The following RAD51C variants were observed in gnomAD, a reference collection of about 807,000 sequenced individuals.
The protein encoded by RAD51C is DNA repair protein RAD51 homolog 3.
Under a neutral mutation model 45.0 loss-of-function variants are expected in RAD51C, and 42 were observed. The ratio of observed to expected loss-of-function variants is 0.93; its 90% confidence interval spans 0.73 to 1.21. The LOEUF is 1.21. Among genes scored for constraint, RAD51C ranks in the 50% most tolerant of loss-of-function variants. RAD51C has a pLI of 0.00. For synonymous variants in RAD51C, 172 were observed against 159.8 expected (o/e 1.08, Z -0.58); for missense variants, 474 against 452.2 (o/e 1.05, Z -0.44).
At chr17:58,721,099 G>T (rs950728618) in intron 6 of RAD51C, among the ~76,000 whole-genome samples, 2 of 152,104 alleles carry the variant, frequency 1.3e-5, no homozygotes, top group Admixed American at 6.6e-5. Context: ...TGGCCAATAT[G>T]GTGAAACCCC....
intron 7 of RAD51C, among the ~76,000 whole-genome samples, chr17:58,727,908 G>A (rs927224244): frequency 4.0e-5 from 6 of 150,230 alleles, no homozygotes. Flanking sequence ...AGGCTGGGCC[G>A]CAAAATGGGA....
At chr17:58,713,449 T>C (rs1461612485) in intron 5 of RAD51C, among the ~76,000 whole-genome samples, 1 of 151,718 alleles carries the variant, frequency 6.6e-6, no homozygotes, top group Non-Finnish European at 1.5e-5. Flanking sequence ...TAAGCAATCC[T>C]TTCACCTCAG....
intron 5 of RAD51C, among the ~76,000 whole-genome samples, chr17:58,714,759 G>A (rs529785559): frequency 1.3e-5 from 2 of 152,136 alleles, no homozygotes; most frequent in East Asian, 3.9e-4. Context: ...GCCCAGCTAG[G>A]TACCAGTCTT....
chr17:58,697,320 G>A (rs974503649), intron 3 of RAD51C, among the ~76,000 whole-genome samples: 9 of 152,166 alleles, frequency 5.9e-5, no homozygotes, highest in South Asian at 2.1e-4. Context: ...GGTGGATCAC[G>A]AGGTCAGGAG....
At chr17:58,709,579 A>G (rs1005894044) in intron 4 of RAD51C, 4 of 281,098 alleles carry the variant, frequency 1.4e-5, no homozygotes, top group African/African-American at 2.3e-5. Flanking sequence ...GTTTTTTTCT[A>G]TCTAGTAAGG....
At position 58,697,517 on chromosome 17, in the gene RAD51C, CAG is replaced by C. The variant is rs527572771; in HGVS notation, c.571+661_571+662del. ...CGCCACTGCACTCCAGCCTAGGCAA[CAG>C]AGTGAGACTACTCTGTCTCTTAAAA... On this transcript the variant is annotated intron_variant, in intron 3 of 8. Transcript: ENST00000337432. 9.2e-5 allele frequency among the ~76,000 whole-genome samples: 11 copies of C among 119,672 alleles called. No homozygotes were observed. The South Asian group carries it at 2.8e-3, about 30-fold the overall frequency. 78.5% of individuals were successfully genotyped at this position (119,672 alleles called of 152,430 possible). A position where few individuals can be genotyped will look rare whatever the true frequency, so the allele number is the denominator to read the frequency against.
intron 5 of RAD51C, among the ~76,000 whole-genome samples, chr17:58,718,568 C>T (rs1036657141): frequency 1.3e-5 from 2 of 152,054 alleles, no homozygotes; most frequent in African/African-American, 4.8e-5. Flanking sequence ...AACCTGGAAC[C>T]TTTTTTGTAG....
intron 6 of RAD51C, 28 bp from the exon 7 acceptor site, chr17:58,724,012 A>G (rs778316212): frequency 6.3e-7 from 1 of 1,579,268 alleles, no homozygotes; most frequent in Non-Finnish European, 8.7e-7. Flanking sequence ...GTAAGGCCAT[A>G]TACAGTTATT....
intron 7 of RAD51C, 112 bp downstream of exon 7, chr17:58,724,212 A>G: frequency 9.6e-7 from 1 of 1,047,054 alleles, no homozygotes; most frequent in East Asian, 2.6e-5. Flanking sequence ...TGACCCATGA[A>G]GTGACACTTT....
intron 4 of RAD51C, among the ~76,000 whole-genome samples, chr17:58,705,097 C>CTCCA (rs2048333903): frequency 8.0e-6 from 1 of 124,564 alleles, no homozygotes; most frequent in South Asian, 2.7e-4. Context: ...TGACACTGCA[C>CTCCA]TCCAGCCTGG....
intron 3 of RAD51C, among the ~76,000 whole-genome samples, chr17:58,702,841 C>T (rs572192661): frequency 2.6e-5 from 4 of 152,062 alleles, no homozygotes; most frequent in South Asian, 2.1e-4. Flanking sequence ...CCAGCCTGGG[C>T]GTCAGAGTGA....
chr17:58,718,667 G>A (rs889179681), intron 5 of RAD51C, among the ~76,000 whole-genome samples: 4 of 152,138 alleles, frequency 2.6e-5, no homozygotes, highest in Admixed American at 2.6e-4. Context: ...GTTAATAGCT[G>A]AGTAGCATAA....
intron 8 of RAD51C, 138 bp downstream of exon 8, chr17:58,732,682 G>A: frequency 3.7e-6 from 3 of 800,504 alleles, no homozygotes; most frequent in South Asian, 2.8e-5. Flanking sequence ...TTAGAACATT[G>A]TCCCCAAAAT....
At chr17:58,702,542 A>G (rs1432560376) in intron 3 of RAD51C, among the ~76,000 whole-genome samples, 1 of 151,824 alleles carries the variant, frequency 6.6e-6, no homozygotes, top group Non-Finnish European at 1.5e-5. Flanking sequence ...AAAATACAAA[A>G]ATTAGCTGGG....
intron 4 of RAD51C, among the ~76,000 whole-genome samples, chr17:58,707,494 C>G (rs1385142599): frequency 6.6e-6 from 1 of 151,618 alleles, no homozygotes; most frequent in African/African-American, 2.4e-5. Context: ...TGCACTCCAG[C>G]CTGGGCAACA....
chr17:58,709,442 T>C (rs2048478658), intron 4 of RAD51C, among the ~76,000 whole-genome samples: 1 of 152,180 alleles, frequency 6.6e-6, no homozygotes, highest in African/African-American at 2.4e-5. Flanking sequence ...TTAGTGATTA[T>C]TGCAGAAAGC....
At position 58,724,043 on chromosome 17, in the gene RAD51C, A is replaced by T. The variant is rs1598510961; in HGVS notation, c.908A>T (p.Glu303Val). Residue 303 changes from glutamate to valine, a missense_variant, in exon 7 of 9, where the codon GAA (glutamate) becomes GTA (valine). By Grantham distance (121) the Glu-to-Val change is moderately radical (BLOSUM62 -2). Coordinates refer to ENST00000337432, the MANE Select transcript of RAD51C (RefSeq NM_058216.3). The part of the protein sequence containing the change: ...NQALLVPALG[E>V]SWGHAATIRL... The stretch of plus-strand genomic sequence containing the variant: ...TTATTATGTTTTTTACTCTCAGGGG[A>T]AAGTTGGGGACATGCTGCTACAATA... 6.2e-7 allele frequency: 1 copy of T among 1,612,378 alleles called. No individual in the cohort carries two copies. The highest frequency in any genetic ancestry group is 8.5e-7 in the Non-Finnish European group (1 of 1,178,466).
At chr17:58,713,542 C>T (rs2048630658) in intron 5 of RAD51C, among the ~76,000 whole-genome samples, 1 of 152,008 alleles carries the variant, frequency 6.6e-6, no homozygotes, top group African/African-American at 2.4e-5. Flanking sequence ...GGCACGGTGG[C>T]TCACACCTAT....
intron 7 of RAD51C, among the ~76,000 whole-genome samples, chr17:58,731,470 G>A (rs2049420460): frequency 6.6e-6 from 1 of 152,054 alleles, no homozygotes; most frequent in Non-Finnish European, 1.5e-5. Flanking sequence ...TGTTGGTCAG[G>A]CTGGTCTCGA....
Sources: gnomAD v4.1 joint callset for allele counts (sites outside exome capture counted in the v4.1 genomes callset) on GRCh38, gnomAD v4.1.1 for gene constraint, MANE v1.5 for transcripts, NCBI Gene and HGNC (gene_info 2026-07-23, HGNC 2026-07-21) for gene names.